Variants in KRT6A observed in about 807,000 individuals in gnomAD.
KRT6A encodes keratin, type II cytoskeletal 6A.
KRT6A carries 28 observed loss-of-function variants against 48.6 expected under a neutral mutation model. The ratio of observed to expected loss-of-function variants is 0.58; its 90% confidence interval spans 0.43 to 0.79. KRT6A has a LOEUF of 0.79. Among genes scored for constraint, KRT6A ranks in the 30% least tolerant of loss-of-function variants. The probability of loss-of-function intolerance (pLI) is 0.00; values close to 1 mark genes in which losing one functional copy is unlikely to be tolerated. For synonymous variants in KRT6A, 301 were observed against 294.2 expected, an observed-to-expected ratio of 1.02 and a Z score of -0.24; for missense variants, 687 against 724.3, an observed-to-expected ratio of 0.95 and a Z score of 0.59.
chr12:52,488,366 G>T lies in KRT6A; in HGVS notation c.1386C>A (p.Ile462=), dbSNP rs370853930. 2 of 1,614,120 alleles carry T rather than the reference G, an allele frequency of 1.2e-6. No individual in the cohort carries two copies. The highest frequency in any genetic ancestry group is 1.7e-5 in the Admixed American group (1 of 60,020). ...CCTCCAGCAGCTTGCGGTAGGTGGC[G>T]ATCTCCACGTCCAGGGCCAGCTTGA... ...MNVKLALDVE[I]ATYRKLLEGE... Residue 462 remains isoleucine, a synonymous_variant, in exon 7 of 9, where the codon ATC becomes ATA. Transcript: ENST00000330722.
chr12:52,490,542 C>T (rs1450811815), intron 5 of KRT6A, 27 bp downstream of exon 5: 1 of 1,614,074 alleles, frequency 6.2e-7, no homozygotes, highest in Admixed American at 1.7e-5. Context: ...ACAGGGATTC[C>T]TCAGCGGCTG....
chr12:52,488,797 C>G (rs933149982), intron 6 of KRT6A, among the ~76,000 whole-genome samples: 1 of 152,172 alleles, frequency 6.6e-6, no homozygotes, highest in Non-Finnish European at 1.5e-5. Flanking sequence ...ATGGGAGACA[C>G]TGCAGTGGAC....
intron 5 of KRT6A, 89 bp downstream of exon 5, chr12:52,490,479 TG>T: frequency 1.9e-6 from 3 of 1,597,484 alleles, no homozygotes; most frequent in Non-Finnish European, 2.6e-6. Flanking sequence ...CCCAGCTTCC[TG>T]TCAGGGGATG....
chr12:52,490,801 T>A, intron 4 of KRT6A, 57 bp downstream of exon 4: 6 of 1,614,018 alleles, frequency 3.7e-6, no homozygotes, highest in South Asian at 1.1e-5. Context: ...ACCCTATACA[T>A]CTTCTCCCCT....
chr12:52,492,614 T>G (rs1218061527), intron 1 of KRT6A, 35 bp downstream of exon 1: 5 of 1,613,762 alleles, frequency 3.1e-6, no homozygotes, highest in Non-Finnish European at 4.2e-6. Context: ...CTGGGGACCC[T>G]GAAGTGCCCC....
At position 52,491,581 on chromosome 12, in the gene KRT6A, C is replaced by G. The variant is rs766998826; in HGVS notation, c.696G>C (p.Arg232=). The G allele has an allele frequency of 1.1e-5, 17 of 1,614,016 alleles. No homozygotes were observed. The highest frequency in any genetic ancestry group is 1.2e-5 in the Non-Finnish European group (14 of 1,180,020). ...CTCTGAGCTCTGAGTCCAGGCGGCC[C>G]CGTTCCCCGACAATGCTGTCCAGCT... The part of the protein sequence containing the change: ...RRQLDSIVGE[R]GRLDSELRGM... Residue 232 remains arginine, a synonymous_variant, in exon 2 of 9, where the codon CGG becomes CGC. Transcript: ENST00000330722.
rs1276580379 is a variant in KRT6A, at chr12:52,492,952, G to A, written c.237C>T (p.Ile79=). Residue 79 remains isoleucine (I), a synonymous_variant, in exon 1 of 9, where the codon ATC becomes ATT. Coordinates refer to ENST00000330722, the MANE Select transcript of KRT6A (RefSeq NM_005554.4). ...RISIGGGSCA[I]SGGYGSRAGG... ...CGGCTCTGCTGCCATAGCCGCCACT[G>A]ATGGCACAGCTGCCCCCTCCAATGG... 6.2e-7 allele frequency: 1 copy of A among 1,609,014 alleles called. No homozygotes were observed.
At chr12:52,488,743 C>A (rs181971252) in intron 6 of KRT6A, among the ~76,000 whole-genome samples, 195 bp from the exon 7 acceptor site, 1 of 152,124 alleles carries the variant, frequency 6.6e-6, no homozygotes, top group African/African-American at 2.4e-5. Context: ...AAACTCATAA[C>A]CCTTTTTGTG....
At position 52,487,682 on chromosome 12, in the gene KRT6A, G is replaced by A. The variant is rs567000265; in HGVS notation, c.*38C>T. 1 of 1,613,648 alleles carries A rather than the reference G, an allele frequency of 6.2e-7. No homozygotes were observed. Among genetic ancestry groups the A allele is most frequent in the East Asian group, 2.2e-5 (1 of 44,872 alleles). On this transcript the variant is annotated 3_prime_UTR_variant, in exon 9 of 9. Transcript: ENST00000330722. Reference sequence around the variant, plus strand: ...GAGAGGGCTCTGCAGCCAGAGAGGGGCCTGAGGACTGTGGGACCGAGAGCT... The same window carrying A: ...GAGAGGGCTCTGCAGCCAGAGAGGGACCTGAGGACTGTGGGACCGAGAGCT...
chr12:52,487,833 T>C lies in KRT6A; in HGVS notation c.1582A>G (p.Ser528Gly). 2 of 1,614,062 alleles carry C rather than the reference T, an allele frequency of 1.2e-6. No individual in the cohort carries two copies. The highest frequency in any genetic ancestry group is 2.2e-5 in the East Asian group (1 of 44,878). ...CCAATGGCTCTGCCACTGCTGGAAC[T>C]GAAGCCACCTCCAACGCCAAGACCA... The part of the protein sequence containing the change: ...GSGLGVGGGF[S>G]SSSGRAIGGG... The change falls in exon 9 of 9, where the codon AGT becomes GGT. Residue 528 changes from serine (S) to glycine (G), a missense_variant. By Grantham distance (56) the Ser-to-Gly change is moderately conservative (BLOSUM62 0). Around this residue, in one of 3 missense-constraint regions of KRT6A, gnomAD observed 566 missense variants for 565.3 expected, o/e 1.00. Coordinates refer to ENST00000330722, the MANE Select transcript of KRT6A (RefSeq NM_005554.4).
In KRT6A at chr12:52,491,445, C is replaced by G. The variant is rs567098379; in HGVS notation, c.755+77G>C. 3.1e-4 allele frequency: 477 copies of G among 1,550,490 alleles called. 1 individual carries two copies. Among genetic ancestry groups the G allele is most frequent in the Non-Finnish European group, 2.4e-4 (273 of 1,126,712 alleles). On this transcript the variant is annotated intron_variant, in intron 2 of 8. Transcript: ENST00000330722. The stretch of plus-strand genomic sequence containing the variant: ...ACATGGGTTGTTAGGAATATTACCC[C>G]CTTCTGGCCCTGGTCACCCAATAGT...
At position 52,492,669 on chromosome 12, in the gene KRT6A, A is replaced by G. The variant is rs28933087; in HGVS notation, c.520T>C (p.Phe174Leu). 25 of 1,613,810 alleles carry G rather than the reference A, an allele frequency of 1.5e-5. No individual in the cohort carries two copies. Among genetic ancestry groups the G allele is most frequent in the Non-Finnish European group, 2.1e-5 (25 of 1,179,916 alleles). ...CTCACCTTGTCGATGAAGGAGGCAAACTTGTTGTTGAGGGTCTTGATCTGT... is the reference window on the plus strand; with the variant it reads ...CTCACCTTGTCGATGAAGGAGGCAAGCTTGTTGTTGAGGGTCTTGATCTGT... Reference protein sequence around the residue: ...REQIKTLNNKFASFIDKVRFL... With the variant: ...REQIKTLNNKLASFIDKVRFL... The change falls in exon 1 of 9, where the codon TTT (phenylalanine) becomes CTT (leucine). Residue 174 changes from phenylalanine to leucine, a missense_variant. Coordinates refer to ENST00000330722, the MANE Select transcript of KRT6A (RefSeq NM_005554.4).
chr12:52,489,033 T>C (rs1302769492), intron 6 of KRT6A, among the ~76,000 whole-genome samples: 5 of 152,228 alleles, frequency 3.3e-5, no homozygotes, highest in Non-Finnish European at 5.9e-5. Context: ...CTTCCTCTAC[T>C]CTCTCTTTCA....
intron 1 of KRT6A, 150 bp from the exon 2 acceptor site, chr12:52,491,886 A>G (rs1434084758): frequency 3.9e-6 from 4 of 1,029,630 alleles, no homozygotes; most frequent in East Asian, 2.6e-5. Flanking sequence ...TGCTCCCCCA[A>G]CCCCTTCTCC....
chr12:52,491,049 C>T (rs550267075), intron 3 of KRT6A, 63 bp downstream of exon 3: 71 of 1,613,178 alleles, frequency 4.4e-5, no homozygotes, highest in African/African-American at 8.0e-5. Context: ...CCCAGGGGAG[C>T]GAGGACACAA....
At chr12:52,492,369 G>T (rs1360518886) in intron 1 of KRT6A, among the ~76,000 whole-genome samples, 2 of 152,160 alleles carry the variant, frequency 1.3e-5, no homozygotes, top group African/African-American at 4.8e-5. Flanking sequence ...GCTTCAAAGG[G>T]AAGAGTTAAC....
At position 52,487,792 on chromosome 12, in the gene KRT6A, A is replaced by C; in HGVS notation, c.1623T>G (p.Ser541=). ...TGATGGTGGAACTGCCGCCTCCAAC[A>C]GAGCTGAGGCCACCCCCAATGGCTC... ...SGRAIGGGLS[S]VGGGSSTIKY... Residue 541 remains serine (S), a synonymous_variant, in exon 9 of 9, where the codon TCT becomes TCG. Coordinates refer to ENST00000330722, the MANE Select transcript of KRT6A (RefSeq NM_005554.4). 6.2e-7 allele frequency: 1 copy of C among 1,614,080 alleles called. No homozygotes were observed. Among genetic ancestry groups the C allele is most frequent in the Non-Finnish European group, 8.5e-7 (1 of 1,179,956 alleles).
intron 6 of KRT6A, among the ~76,000 whole-genome samples, chr12:52,489,204 A>C (rs1158860436): frequency 6.6e-6 from 1 of 152,236 alleles, no homozygotes; most frequent in Non-Finnish European, 1.5e-5. Context: ...CACAGGCCAC[A>C]TGCAGCCCAG....
chr12:52,493,043 C>A lies in KRT6A; in HGVS notation c.146G>T (p.Gly49Val). The A allele has an allele frequency of 6.2e-7, 1 of 1,612,442 alleles. No homozygotes were observed. The highest frequency in any genetic ancestry group is 8.5e-7 in the Non-Finnish European group (1 of 1,179,930). Reference sequence around the variant, plus strand: ...GCCAAAGCCAGCTCCTCCACATGCACCACCCAGGCCACCACTGCCCCTGGA... The same window carrying A: ...GCCAAAGCCAGCTCCTCCACATGCAACACCCAGGCCACCACTGCCCCTGGA... ...SRSRGSGGLG[G>V]ACGGAGFGSR... is the part of the protein sequence containing the mutation. The change falls in exon 1 of 9, where the codon GGT (glycine) becomes GTT (valine). Residue 49 changes from glycine (G) to valine (V), a missense_variant. Physicochemically the swap from Gly to Val is moderately radical, Grantham distance 109. Transcript: ENST00000330722.
Sources: gnomAD v4.1 joint callset for allele counts (sites outside exome capture counted in the v4.1 genomes callset) on GRCh38, gnomAD v4.1.1 for gene constraint, gnomAD v4.1.1 regional missense constraint, MANE v1.5 for transcripts, NCBI Gene and HGNC (gene_info 2026-07-23, HGNC 2026-07-21) for gene names.